CHCHD3: variants seen among roughly 807,000 people sequenced by gnomAD.
CHCHD3 encodes the protein MICOS complex subunit MIC19.
A neutral mutation model predicts 38.2 loss-of-function variants in CHCHD3; 20 were observed. The observed-to-expected ratio is 0.52, with a 90% CI of 0.37 to 0.76. The LOEUF (loss-of-function observed/expected upper bound fraction) is 0.76, where lower values mean the gene tolerates loss of function less well. CHCHD3 is among the 30% of genes least tolerant of loss of function. The pLI, the probability that CHCHD3 is intolerant of heterozygous loss-of-function variation, is 0.00. For missense variants in CHCHD3, 245 were observed against 279.2 expected, an observed-to-expected ratio of 0.88 and a Z score of 0.87; for synonymous variants, 82 against 100.0, an observed-to-expected ratio of 0.82 and a Z score of 1.07.
At chr7:132,856,672 A>G (rs549793319) in intron 5 of CHCHD3, among the ~76,000 whole-genome samples, 5 of 152,226 alleles carry the variant, frequency 3.3e-5, no homozygotes, top group Non-Finnish European at 7.3e-5. Flanking sequence ...TTCAACAGGC[A>G]TTCTCTTTGC....
chr7:132,912,874 G>A (rs773750738), intron 4 of CHCHD3, among the ~76,000 whole-genome samples: 8 of 152,162 alleles, frequency 5.3e-5, no homozygotes, highest in African/African-American at 1.9e-4. Flanking sequence ...ACTACTAACA[G>A]TACCTCCCAC....
At chr7:132,896,340 C>T (rs1001128145) in intron 4 of CHCHD3, among the ~76,000 whole-genome samples, 5 of 152,178 alleles carry the variant, frequency 3.3e-5, no homozygotes, top group African/African-American at 9.7e-5. Flanking sequence ...GGTTGTTTAA[C>T]ATTTGTTCTG....
chr7:132,942,777 TTC>T (rs766191483), intron 4 of CHCHD3, among the ~76,000 whole-genome samples: 1 of 152,162 alleles, frequency 6.6e-6, no homozygotes, highest in Non-Finnish European at 1.5e-5. Flanking sequence ...ACACAAGTAA[TTC>T]TCTTTGTTCA....
intron 6 of CHCHD3, among the ~76,000 whole-genome samples, chr7:132,816,953 C>T (rs868772517): frequency 2.0e-5 from 3 of 152,012 alleles, no homozygotes; most frequent in Admixed American, 2.0e-4. Flanking sequence ...TGAAAAAAAA[C>T]CCTGGAATAT....
intron 5 of CHCHD3, among the ~76,000 whole-genome samples, chr7:132,857,424 T>G (rs964697043): frequency 5.9e-5 from 9 of 152,186 alleles, no homozygotes; most frequent in Admixed American, 5.9e-4. Flanking sequence ...TTTATTTTTT[T>G]GAGACGGAGT....
At position 133,035,930 on chromosome 7, in the gene CHCHD3, G is replaced by A. The variant is rs777384414; in HGVS notation, c.170-11303C>T. 9.1e-6 allele frequency: 14 copies of A among 1,546,674 alleles called. No homozygotes were observed. Among genetic ancestry groups the A allele is most frequent in the Non-Finnish European group, 8.0e-6 (9 of 1,125,068 alleles). ...GGGTCCCAGCCGCCATGGTGATTCC[G>A]CAAAGAAAGGCTGGATCCAGTCTTA... On this transcript the variant is annotated intron_variant, in intron 2 of 7. Transcript: ENST00000262570. The surrounding 1 kb of genome is among the most constrained non-coding windows in gnomAD (Gnocchi z 4.7).
intron 4 of CHCHD3, among the ~76,000 whole-genome samples, chr7:132,954,949 A>AC (rs1458422363): frequency 1.3e-5 from 2 of 152,168 alleles, no homozygotes; most frequent in Non-Finnish European, 2.9e-5. Flanking sequence ...TGGAGGCCAT[A>AC]CCATGTACCG....
intron 6 of CHCHD3, among the ~76,000 whole-genome samples, chr7:132,816,803 A>T (rs1462851007): frequency 3.9e-5 from 6 of 152,248 alleles, no homozygotes; most frequent in Non-Finnish European, 8.8e-5. Flanking sequence ...GTGATAACTA[A>T]TGCATGCTTC....
At chr7:133,033,464 G>A (rs1813558998) in intron 2 of CHCHD3, among the ~76,000 whole-genome samples, 1 of 152,098 alleles carries the variant, frequency 6.6e-6, no homozygotes. Context: ...TACTCCTCAA[G>A]TGGGGTACTA....
chr7:132,839,246 GT>G (rs530679869), intron 5 of CHCHD3, among the ~76,000 whole-genome samples: 16 of 151,614 alleles, frequency 1.1e-4, no homozygotes, highest in Admixed American at 4.6e-4. Flanking sequence ...TCATTTCCAC[GT>G]GACCACAAGA....
Position 133,081,980 on chromosome 7 carries a change from G to A in CHCHD3, c.-43C>T, listed in dbSNP as rs1240602762. ...CAGCGGAGACCTAGCGGGGAACCAC[G>A]AGCACTTCGGGGCCCCCGCACCCAC... On this transcript the variant is annotated 5_prime_UTR_variant, in exon 1 of 8. Transcript: ENST00000262570. The A allele has an allele frequency of 1.3e-6, 2 of 1,494,522 alleles. No individual in the cohort carries two copies. The highest frequency in any genetic ancestry group is 2.5e-5 in the East Asian group (1 of 39,220). The allele number at this position is 1,494,522 out of a possible 1,614,324, so 92.6% of individuals were successfully genotyped here. A position where few individuals can be genotyped will look rare whatever the true frequency, so the allele number is the denominator to read the frequency against.
intron 4 of CHCHD3, among the ~76,000 whole-genome samples, chr7:132,903,584 C>CCAA (rs901204354): frequency 3.9e-5 from 6 of 151,986 alleles, no homozygotes; most frequent in African/African-American, 4.8e-5. Flanking sequence ...AGGTTTGAAC[C>CCAA]CAACAACAAC....
Position 132,821,823 on chromosome 7 carries a change from C to T in CHCHD3, c.524+16576G>A, listed in dbSNP as rs1177375162. Among the ~76,000 whole-genome samples, 5 of 132,656 alleles carry T rather than the reference C, an allele frequency of 3.8e-5. No individual in the cohort carries two copies. The East Asian group carries it at 1.1e-3, about 30-fold the overall frequency. 87.0% of individuals were successfully genotyped at this position (132,656 alleles called of 152,430 possible). ...CAGGCCGGACTGCGGACTGCAGTGG[C>T]GCAATCTCGGCTCACTGCAAGCTCC... On this transcript the variant is annotated intron_variant, in intron 6 of 7. Transcript: ENST00000262570.
At chr7:132,856,312 G>A (rs1808341437) in intron 5 of CHCHD3, among the ~76,000 whole-genome samples, 1 of 152,158 alleles carries the variant, frequency 6.6e-6, no homozygotes, top group Non-Finnish European at 1.5e-5. Flanking sequence ...GGGAGCTGAG[G>A]TCTACAAAAG....
At chr7:132,951,051 GAA>G (rs1272035147) in intron 4 of CHCHD3, among the ~76,000 whole-genome samples, 3 of 152,142 alleles carry the variant, frequency 2.0e-5, no homozygotes, top group Admixed American at 6.6e-5. Context: ...CAAGGGGAGA[GAA>G]AAACAGCAAG....
intron 4 of CHCHD3, among the ~76,000 whole-genome samples, chr7:132,908,115 A>G (rs1442288077): frequency 6.6e-6 from 1 of 152,174 alleles, no homozygotes; most frequent in African/African-American, 2.4e-5. Context: ...GGAAAATATA[A>G]TTAATGAAAG....
At chr7:132,908,463 G>A (rs1478885299) in intron 4 of CHCHD3, among the ~76,000 whole-genome samples, 1 of 152,122 alleles carries the variant, frequency 6.6e-6, no homozygotes, top group African/African-American at 2.4e-5. Flanking sequence ...TGTTTAGTAT[G>A]CCATCTTCAA....
At chr7:132,836,522 G>A (rs1301117246) in intron 6 of CHCHD3, among the ~76,000 whole-genome samples, 1 of 151,846 alleles carries the variant, frequency 6.6e-6, no homozygotes, top group Non-Finnish European at 1.5e-5. Context: ...ATCTCACTCT[G>A]TGACTGGAGT....
chr7:132,812,888 G>T (rs755046545), intron 6 of CHCHD3, among the ~76,000 whole-genome samples: 3 of 152,138 alleles, frequency 2.0e-5, no homozygotes, highest in Non-Finnish European at 4.4e-5. Context: ...CTTCCTCAGC[G>T]TCTTAACATG....
Sources: allele counts gnomAD v4.1 joint callset (sites outside exome capture counted in the v4.1 genomes callset), GRCh38; gene constraint gnomAD v4.1.1; non-coding constraint Gnocchi (gnomAD v3.1); transcripts MANE v1.5; gene names NCBI Gene and HGNC (gene_info 2026-07-23, HGNC 2026-07-21).